The following SPRR2G variants were observed in gnomAD, a reference collection of about 807,000 sequenced individuals.
The protein encoded by SPRR2G is small proline-rich protein 2G.
Under a neutral mutation model 0.7 loss-of-function variants are expected in SPRR2G, and 1 was observed. The ratio of observed to expected loss-of-function variants is 1.49; its 90% CI spans 0.53 to 7.06. The LOEUF (loss-of-function observed/expected upper bound fraction) is 7.06. Ranked by LOEUF, SPRR2G falls within the 30% of genes most tolerant of loss-of-function variation. SPRR2G has a pLI of 0.14. For missense variants in SPRR2G, 96 were observed against 88.5 expected (o/e 1.09, Z -0.34); for synonymous variants, 38 against 33.9 (o/e 1.12, Z -0.42).
chr1:153,160,520 G>GCA, the SPRR2G span, among the ~76,000 whole-genome samples: 4,925 of 152,278 alleles, frequency 0.032, 506 homozygotes, highest in East Asian at 0.35. Flanking sequence ...CCAACAGTAT[G>GCA]TAAGTGCTCC....
the SPRR2G span, among the ~76,000 whole-genome samples, chr1:153,158,624 G>T: frequency 6.6e-6 from 1 of 152,194 alleles, no homozygotes; most frequent in Admixed American, 6.5e-5. Context: ...TCTTCTTACA[G>T]CTCCACTAGG....
At chr1:153,201,131 T>C in the SPRR2G span, among the ~76,000 whole-genome samples, 2 of 152,212 alleles carry the variant, frequency 1.3e-5, no homozygotes, top group Non-Finnish European at 2.9e-5. Flanking sequence ...CTAAGAAGCC[T>C]GTTCTGTGTT....
At chr1:153,190,521 A>T in the SPRR2G span, 1 of 152,260 alleles carries the variant, frequency 6.6e-6, no homozygotes, top group East Asian at 1.9e-4. Flanking sequence ...CAAACCTTCC[A>T]CCTGTGATCC....
chr1:153,189,876 C>A, the SPRR2G span, among the ~76,000 whole-genome samples: 1 of 152,128 alleles, frequency 6.6e-6, no homozygotes, highest in Non-Finnish European at 1.5e-5. Context: ...GCAGACACTG[C>A]AGTTCCTAGC....
chr1:153,157,625 GT>G, the SPRR2G span, among the ~76,000 whole-genome samples: 166 of 151,152 alleles, frequency 1.1e-3, no homozygotes, highest in African/African-American at 3.5e-3. Context: ...TTCCCTGTGG[GT>G]TTTTTTTTGT....
the SPRR2G span, chr1:153,190,597 C>T: frequency 6.6e-6 from 1 of 152,212 alleles, no homozygotes; most frequent in South Asian, 2.1e-4. Flanking sequence ...ATATGAGATT[C>T]CTGCAAGAAC....
At chr1:153,191,596 T>C in the SPRR2G span, 1 of 152,228 alleles carries the variant, frequency 6.6e-6, no homozygotes, top group Non-Finnish European at 1.5e-5. Context: ...CGGAAAATTC[T>C]ACCATAGACT....
At chr1:153,172,469 C>T in the SPRR2G span, among the ~76,000 whole-genome samples, 1 of 152,056 alleles carries the variant, frequency 6.6e-6, no homozygotes, top group Non-Finnish European at 1.5e-5. Flanking sequence ...CCCCAATGCA[C>T]CTCATTGCAC....
the SPRR2G span, among the ~76,000 whole-genome samples, chr1:153,188,707 G>C: frequency 6.9e-3 from 1,049 of 152,188 alleles, 3 homozygotes; most frequent in Non-Finnish European, 0.012. Flanking sequence ...GGGGCACCAG[G>C]CACCACTGGT....
At chr1:153,162,992 A>T in the SPRR2G span, among the ~76,000 whole-genome samples, 1 of 152,210 alleles carries the variant, frequency 6.6e-6, no homozygotes, top group Non-Finnish European at 1.5e-5. Context: ...TGTCATGATT[A>T]GCAGGTCCAG....
At chr1:153,176,714 A>G in the SPRR2G span, 5 of 152,182 alleles carry the variant, frequency 3.3e-5, no homozygotes, top group Admixed American at 1.3e-4. Context: ...AAGGGGCGAG[A>G]TGAAAGCAGA....
the SPRR2G span, among the ~76,000 whole-genome samples, chr1:153,186,265 T>C: frequency 2.6e-5 from 4 of 152,154 alleles, no homozygotes; most frequent in Non-Finnish European, 4.4e-5. Context: ...GTCCTGAATA[T>C]CCTTGTTAAT....
the SPRR2G span, among the ~76,000 whole-genome samples, chr1:153,169,966 T>C: frequency 6.6e-6 from 1 of 152,228 alleles, no homozygotes; most frequent in Non-Finnish European, 1.5e-5. Flanking sequence ...TTTCCAAATA[T>C]ATGAATTTCA....
chr1:153,188,492 A>G, the SPRR2G span, among the ~76,000 whole-genome samples: 1 of 152,060 alleles, frequency 6.6e-6, no homozygotes, highest in Non-Finnish European at 1.5e-5. Flanking sequence ...GTAAGGGGAA[A>G]CGGCCTACTC....
the SPRR2G span, among the ~76,000 whole-genome samples, chr1:153,165,433 G>C: frequency 1.3e-5 from 2 of 152,128 alleles, no homozygotes; most frequent in African/African-American, 2.4e-5. Flanking sequence ...AACTTCCCAG[G>C]TTCCAGAACT....
the SPRR2G span, among the ~76,000 whole-genome samples, chr1:153,160,772 C>T: frequency 6.6e-6 from 1 of 151,134 alleles, no homozygotes; most frequent in African/African-American, 2.5e-5. Context: ...AAACATGCTG[C>T]TATAAAGACA....
upstream of SPRR2G, among the ~76,000 whole-genome samples, chr1:153,154,183 C>T (rs1375777893): frequency 6.6e-6 from 1 of 151,400 alleles, no homozygotes; most frequent in African/African-American, 2.4e-5. Context: ...ATTTATTGAA[C>T]CATCCATCCT....
At chr1:153,179,305 T>C in the SPRR2G span, among the ~76,000 whole-genome samples, 3 of 152,174 alleles carry the variant, frequency 2.0e-5, no homozygotes, top group African/African-American at 7.2e-5. Context: ...TAGTATTTGA[T>C]TGAGTAACTA....
At chr1:153,172,958 C>A in the SPRR2G span, among the ~76,000 whole-genome samples, 1 of 152,034 alleles carries the variant, frequency 6.6e-6, no homozygotes, top group Non-Finnish European at 1.5e-5. Context: ...GACAGGCGGA[C>A]AAACATAATA....
Sources: allele counts gnomAD v4.1 joint callset (sites outside exome capture counted in the v4.1 genomes callset), GRCh38; gene constraint gnomAD v4.1.1; transcripts MANE v1.5; gene names NCBI Gene and HGNC (gene_info 2026-07-23, HGNC 2026-07-21).